Variants in EFCAB14 observed in about 807,000 individuals in gnomAD.
The protein encoded by EFCAB14 is EF-hand calcium binding domain 14.
Under a neutral mutation model 56.5 loss-of-function variants are expected in EFCAB14, and 43 were observed. That is an observed-to-expected ratio of 0.76 (90% confidence interval 0.60 to 0.98). The LOEUF is 0.98. Among genes scored for constraint, EFCAB14 ranks in the 50% least tolerant of loss-of-function variants. The pLI is 0.00. For synonymous variants in EFCAB14, 235 were observed against 212.9 expected (o/e 1.10, Z -0.90); for missense variants, 538 against 580.3 (o/e 0.93, Z 0.75).
chr1:46,710,959 T>G (rs10159351), intron 2 of EFCAB14, among the ~76,000 whole-genome samples: 1 of 152,074 alleles, frequency 6.6e-6, no homozygotes, highest in African/African-American at 2.4e-5. Context: ...TCCATATTGC[T>G]GAGAATGACA....
intron 5 of EFCAB14, 27 bp downstream of exon 5, chr1:46,691,800 G>A: frequency 6.4e-7 from 1 of 1,555,878 alleles, no homozygotes; most frequent in Non-Finnish European, 8.8e-7. Flanking sequence ...GTGAGCAGGA[G>A]CATGCTGACT....
chr1:46,696,592 C>G lies in EFCAB14; in HGVS notation c.538G>C (p.Asp180His). Residue 180 changes from aspartate (D) to histidine (H), a missense_variant, in exon 4 of 11, where the codon GAC (aspartate) becomes CAC (histidine). Coordinates refer to ENST00000371933, the MANE Select transcript of EFCAB14 (RefSeq NM_014774.3). ...ACAGTGGTAGGCAGGCTAATCAAGT[C>G]TGCAGCTGACTTAACATTGGCTTTG... Reference protein sequence around the residue: ...HLKANVKSAADLISLPTTVEG... With the variant: ...HLKANVKSAAHLISLPTTVEG... 6.2e-7 allele frequency: 1 copy of G among 1,613,706 alleles called. No homozygotes were observed.
At chr1:46,699,593 G>A (rs991534410) in intron 3 of EFCAB14, among the ~76,000 whole-genome samples, 3 of 152,162 alleles carry the variant, frequency 2.0e-5, no homozygotes, top group Admixed American at 1.3e-4. Context: ...GACAGAGGCC[G>A]GGGGGTAGGA....
intron 4 of EFCAB14, among the ~76,000 whole-genome samples, chr1:46,694,867 G>C (rs999236298): frequency 2.0e-5 from 3 of 152,260 alleles, no homozygotes; most frequent in Non-Finnish European, 4.4e-5. Context: ...AGAAAACATG[G>C]CAGATATACA....
chr1:46,713,189 C>T (rs1677335183), intron 2 of EFCAB14, among the ~76,000 whole-genome samples: 1 of 152,108 alleles, frequency 6.6e-6, no homozygotes, highest in African/African-American at 2.4e-5. Context: ...CTGACTACAC[C>T]CCATTCCCTA....
chr1:46,695,162 T>C (rs1465412252), intron 4 of EFCAB14, among the ~76,000 whole-genome samples: 1 of 152,090 alleles, frequency 6.6e-6, no homozygotes, highest in Non-Finnish European at 1.5e-5. Flanking sequence ...ATGGCACATA[T>C]ATACATACGT....
intron 2 of EFCAB14, among the ~76,000 whole-genome samples, chr1:46,708,323 G>A (rs950003551): frequency 6.6e-6 from 1 of 152,150 alleles, no homozygotes; most frequent in African/African-American, 2.4e-5. Context: ...TCTCAATTTT[G>A]TGACTCACTA....
chr1:46,696,653 A>G lies in EFCAB14; in HGVS notation c.481-4T>C. 6.2e-7 allele frequency: 1 copy of G among 1,612,680 alleles called. No homozygotes were observed. Among genetic ancestry groups the G allele is most frequent in the Middle Eastern group, 1.7e-4 (1 of 6,046 alleles). ...CTGCAGAAGTCAACAGAGAAATCTG[A>G]ACAAAAAAGAGTAACAAACAATGAA... On this transcript the variant is annotated splice_region_variant and splice_polypyrimidine_tract_variant and intron_variant, in intron 3 of 10. Transcript: ENST00000371933.
At chr1:46,707,334 T>C (rs1677247788) in intron 3 of EFCAB14, among the ~76,000 whole-genome samples, 1 of 152,218 alleles carries the variant, frequency 6.6e-6, no homozygotes, top group East Asian at 1.9e-4. Context: ...ATCCTTAGAA[T>C]AAGCCTTTAT....
chr1:46,683,278 A>G, intron 10 of EFCAB14, 22 bp downstream of exon 10: 1 of 1,609,422 alleles, frequency 6.2e-7, no homozygotes, highest in Non-Finnish European at 8.5e-7. Context: ...TCCCATTACT[A>G]CCCCGTGGTA....
At chr1:46,691,803 T>C (rs780605821) in intron 5 of EFCAB14, 24 bp downstream of exon 5, 6 of 1,577,338 alleles carry the variant, frequency 3.8e-6, no homozygotes, top group South Asian at 1.1e-5. Context: ...AGCAGGAGCA[T>C]GCTGACTTGC....
chr1:46,709,217 C>A (rs1677274129), intron 2 of EFCAB14, among the ~76,000 whole-genome samples: 1 of 152,150 alleles, frequency 6.6e-6, no homozygotes. Flanking sequence ...ATAAATATTT[C>A]ACCTTTGCTT....
intron 8 of EFCAB14, among the ~76,000 whole-genome samples, chr1:46,685,420 ATAAG>A (rs1676865445): frequency 6.6e-6 from 1 of 152,220 alleles, no homozygotes; most frequent in South Asian, 2.1e-4. Flanking sequence ...CTTTTCTTGT[ATAAG>A]TAATTGTTAA....
chr1:46,694,701 C>T (rs183948429), intron 4 of EFCAB14, among the ~76,000 whole-genome samples: 1 of 152,128 alleles, frequency 6.6e-6, no homozygotes, highest in Non-Finnish European at 1.5e-5. Context: ...CTAGAAATAC[C>T]ATTTGACCCA....
chr1:46,716,418 T>A lies in EFCAB14; in HGVS notation c.211A>T (p.Ile71Phe). The stretch of plus-strand genomic sequence containing the variant: ...ACAAAACCACAGAGCGGATAACAGA[T>A]CTTGCAGCATCGTAAATAGTCTCCC... ...AKGDYLRCCK[I>F]CYPLCGFVIL... Residue 71 changes from isoleucine to phenylalanine, a missense_variant, in exon 2 of 11, where the codon ATC becomes TTC. Ile to Phe is a conservative substitution (Grantham distance 21). Coordinates refer to ENST00000371933, the MANE Select transcript of EFCAB14 (RefSeq NM_014774.3). 2 of 1,613,998 alleles carry A rather than the reference T, an allele frequency of 1.2e-6. No homozygotes were observed. The highest frequency in any genetic ancestry group is 1.7e-6 in the Non-Finnish European group (2 of 1,180,010).
chr1:46,716,404 G>C lies in EFCAB14; in HGVS notation c.225C>G (p.Leu75=), dbSNP rs759088640. 6.2e-7 allele frequency: 1 copy of C among 1,613,976 alleles called. No homozygotes were observed. The highest frequency in any genetic ancestry group is 1.1e-5 in the South Asian group (1 of 91,084). ...AGGCAGCAAGGATGACAAAACCACA[G>C]AGCGGATAACAGATCTTGCAGCATC... The part of the protein sequence containing the change: ...YLRCCKICYP[L]CGFVILAACV... The change falls in exon 2 of 11, where the codon CTC becomes CTG. Residue 75 remains leucine (L), a synonymous_variant. Coordinates refer to ENST00000371933, the MANE Select transcript of EFCAB14 (RefSeq NM_014774.3).
At chr1:46,682,468 T>C (rs1676811649) in intron 10 of EFCAB14, among the ~76,000 whole-genome samples, 1 of 152,176 alleles carries the variant, frequency 6.6e-6, no homozygotes, top group Non-Finnish European at 1.5e-5. Context: ...TGTACTAATA[T>C]TTTGCTGATT....
chr1:46,696,413 C>A, intron 4 of EFCAB14, 138 bp downstream of exon 4: 1 of 811,780 alleles, frequency 1.2e-6, no homozygotes, highest in South Asian at 1.7e-5. Flanking sequence ...TGATACACTC[C>A]ATTACTGCCC....
Position 46,718,170 on chromosome 1 carries a change from C to T in EFCAB14, c.-83G>A. On this transcript the variant is annotated 5_prime_UTR_variant, in exon 1 of 11. Transcript: ENST00000371933. ...GCCCAATTCTCTTCCTGCCTTGGAG[C>T]TGCCTTCCAGGGTTGGGAATCCTGG... The T allele has an allele frequency of 4.1e-6, 6 of 1,478,860 alleles. No homozygotes were observed. Among genetic ancestry groups the T allele is most frequent in the Non-Finnish European group, 5.5e-6 (6 of 1,083,440 alleles). 91.6% of individuals were successfully genotyped at this position (1,478,860 alleles called of 1,614,324 possible). A position where few individuals can be genotyped will look rare whatever the true frequency, so the allele number is the denominator to read the frequency against.
Sources: gnomAD v4.1 joint callset for allele counts (sites outside exome capture counted in the v4.1 genomes callset) on GRCh38, gnomAD v4.1.1 for gene constraint, MANE v1.5 for transcripts, NCBI Gene and HGNC (gene_info 2026-07-23, HGNC 2026-07-21) for gene names.